Variants in STXBP6 observed in about 807,000 individuals in gnomAD.
STXBP6 encodes the protein syntaxin binding protein 6, also known as syntaxin-binding protein 6.
A neutral mutation model predicts 26.9 loss-of-function variants in STXBP6; 21 were observed. The observed-to-expected ratio is 0.78, with a 90% CI of 0.55 to 1.12. STXBP6 has a LOEUF of 1.12. STXBP6 is among the 50% of genes most tolerant of loss of function. STXBP6 has a pLI of 0.00. For missense variants in STXBP6, 232 were observed against 257.9 expected, an observed-to-expected ratio of 0.90 and a Z score of 0.69; for synonymous variants, 97 against 92.6, an observed-to-expected ratio of 1.05 and a Z score of -0.27.
intron 1 of STXBP6, among the ~76,000 whole-genome samples, chr14:24,977,582 A>G (rs2074082489): frequency 6.6e-6 from 1 of 152,202 alleles, no homozygotes; most frequent in African/African-American, 2.4e-5. Flanking sequence ...TATTAACTAC[A>G]ACATAGAGAT....
At chr14:24,961,584 G>A (rs2073542105) in intron 2 of STXBP6, among the ~76,000 whole-genome samples, 1 of 152,088 alleles carries the variant, frequency 6.6e-6, no homozygotes, top group African/African-American at 2.4e-5. Context: ...ATAAGTGAGA[G>A]CTAAACAATG....
chr14:24,859,766 C>T (rs550062313), intron 2 of STXBP6, among the ~76,000 whole-genome samples: 6 of 152,246 alleles, frequency 3.9e-5, no homozygotes, highest in East Asian at 3.9e-4. Context: ...AGGGGATTTC[C>T]GTTATGGCTT....
At chr14:24,884,940 A>G (rs1225128936) in intron 2 of STXBP6, among the ~76,000 whole-genome samples, 5 of 152,182 alleles carry the variant, frequency 3.3e-5, no homozygotes, top group Non-Finnish European at 7.3e-5. Flanking sequence ...AGGCATAAGG[A>G]AGCATACATT....
At chr14:24,910,807 G>A (rs1005277972) in intron 2 of STXBP6, among the ~76,000 whole-genome samples, 1 of 152,158 alleles carries the variant, frequency 6.6e-6, no homozygotes, top group Non-Finnish European at 1.5e-5. Flanking sequence ...CTGTGAAAAT[G>A]TCAGAGAGTA....
chr14:24,897,450 T>C (rs1248363533), intron 2 of STXBP6, among the ~76,000 whole-genome samples: 2 of 147,486 alleles, frequency 1.4e-5, no homozygotes, highest in Non-Finnish European at 3.0e-5. Flanking sequence ...AAAGAAAAAG[T>C]TTTTTTTATA....
intron 2 of STXBP6, among the ~76,000 whole-genome samples, chr14:24,951,353 C>T (rs1252840170): frequency 6.6e-6 from 1 of 152,096 alleles, no homozygotes; most frequent in Non-Finnish European, 1.5e-5. Context: ...AACACTCCCA[C>T]CAACAGTGTA....
chr14:24,852,941 A>G (rs2069203233), intron 4 of STXBP6, among the ~76,000 whole-genome samples: 1 of 152,140 alleles, frequency 6.6e-6, no homozygotes, highest in East Asian at 1.9e-4. Flanking sequence ...ACCCTTGGCA[A>G]GCTATTTGAT....
chr14:24,843,052 A>G (rs1161573622), intron 4 of STXBP6, among the ~76,000 whole-genome samples: 3 of 152,202 alleles, frequency 2.0e-5, no homozygotes, highest in Non-Finnish European at 2.9e-5. Flanking sequence ...GGGGGAAAGA[A>G]CAGATTCTGG....
At chr14:24,829,110 C>A (rs1265118809) in intron 4 of STXBP6, among the ~76,000 whole-genome samples, 1 of 151,984 alleles carries the variant, frequency 6.6e-6, no homozygotes, top group Non-Finnish European at 1.5e-5. Flanking sequence ...ACTCAATCCT[C>A]TAGACTCAGG....
At chr14:24,984,935 A>G (rs1042703107) in intron 1 of STXBP6, among the ~76,000 whole-genome samples, 8 of 152,334 alleles carry the variant, frequency 5.3e-5, no homozygotes, top group African/African-American at 1.9e-4. Flanking sequence ...TATTGAAGAA[A>G]TGAGAAAGGT....
At chr14:25,046,902 C>T (rs984181393) in intron 1 of STXBP6, among the ~76,000 whole-genome samples, 3 of 152,196 alleles carry the variant, frequency 2.0e-5, no homozygotes, top group East Asian at 1.9e-4. Context: ...CTCTTAGAGA[C>T]GAAGAGAGGG....
At chr14:24,963,499 T>C (rs1262799275) in intron 2 of STXBP6, among the ~76,000 whole-genome samples, 2 of 152,258 alleles carry the variant, frequency 1.3e-5, no homozygotes, top group Middle Eastern at 6.8e-3. Flanking sequence ...TGAAGAATAA[T>C]TTGTGTGAAA....
chr14:25,038,672 TAGG>T lies in STXBP6; in HGVS notation c.-33+11203_-33+11205del, dbSNP rs369044502. Reference sequence around the variant, plus strand: ...ATTAGGCCAACTTGATGGCAGAGGGTAGGAGGAGGGAGAAGAGCAGAAAAAATA... The same window carrying T: ...ATTAGGCCAACTTGATGGCAGAGGGTAGGAGGGAGAAGAGCAGAAAAAATA... On this transcript the variant is annotated intron_variant, in intron 1 of 5. Transcript: ENST00000323944. 2.0e-5 allele frequency among the ~76,000 whole-genome samples: 3 copies of T among 151,842 alleles called. No homozygotes were observed. The East Asian group carries it at 5.8e-4, about 29-fold the overall frequency.
At chr14:24,975,297 T>C (rs1321540852) in intron 1 of STXBP6, among the ~76,000 whole-genome samples, 2 of 152,204 alleles carry the variant, frequency 1.3e-5, no homozygotes, top group African/African-American at 4.8e-5. Context: ...TTAATGTAAA[T>C]CCATTTCCCT....
intron 2 of STXBP6, among the ~76,000 whole-genome samples, chr14:24,936,056 T>C (rs1038748915): frequency 6.6e-6 from 1 of 152,232 alleles, no homozygotes; most frequent in African/African-American, 2.4e-5. Context: ...TAGAACCAGA[T>C]GTCTTTGAAC....
intron 1 of STXBP6, among the ~76,000 whole-genome samples, chr14:25,045,946 T>C (rs1241617981): frequency 6.6e-6 from 1 of 152,178 alleles, no homozygotes; most frequent in Admixed American, 6.5e-5. Flanking sequence ...TCTGGGCTTC[T>C]GAAATCAGAA....
At chr14:24,920,940 CA>C (rs890771532) in intron 2 of STXBP6, among the ~76,000 whole-genome samples, 1 of 152,000 alleles carries the variant, frequency 6.6e-6, no homozygotes, top group Non-Finnish European at 1.5e-5. Context: ...TAATGCAACC[CA>C]AGATCTAGAA....
At chr14:24,889,589 A>G (rs1464003655) in intron 2 of STXBP6, among the ~76,000 whole-genome samples, 3 of 152,004 alleles carry the variant, frequency 2.0e-5, no homozygotes, top group Non-Finnish European at 2.9e-5. Flanking sequence ...AAAAGAAAAA[A>G]AAAGAATACC....
chr14:25,036,121 G>C (rs905012815), intron 1 of STXBP6, among the ~76,000 whole-genome samples: 1 of 150,090 alleles, frequency 6.7e-6, no homozygotes, highest in Non-Finnish European at 1.5e-5. Context: ...AGGAGGCTGA[G>C]ACGGGAGAAC....
Sources: gnomAD v4.1 joint callset for allele counts (sites outside exome capture counted in the v4.1 genomes callset) on GRCh38, gnomAD v4.1.1 for gene constraint, MANE v1.5 for transcripts, NCBI Gene and HGNC (gene_info 2026-07-23, HGNC 2026-07-21) for gene names.